LGALSL: variants seen among roughly 807,000 people sequenced by gnomAD.
LGALSL encodes the protein galectin like, also known as galectin-related protein.
A neutral mutation model predicts 19.5 loss-of-function variants in LGALSL; 13 were observed. That is an observed-to-expected ratio of 0.67 (90% CI 0.43 to 1.06). The LOEUF is 1.06. Ranked by LOEUF, LGALSL falls within the 50% of genes least tolerant of loss-of-function variation. The pLI is 0.00. For missense variants in LGALSL, 189 were observed against 219.3 expected (o/e 0.86, Z 0.87); for synonymous variants, 86 against 78.3 (o/e 1.10, Z -0.52).
chr2:64,456,360 G>T lies in LGALSL; in HGVS notation c.270G>T (p.Val90=), dbSNP rs1223643848. ...PADVAIELKA[V]FTDRQLLRNS... is the part of the protein sequence containing the mutation. ...ATGTGGCAATCGAACTCAAAGCTGT[G>T]TTCACAGATCGGCAGCTACTCAGAA... Residue 90 remains valine, a synonymous_variant, in exon 4 of 5, where the codon GTG becomes GTT. Transcript: ENST00000238875. 1.2e-6 allele frequency: 2 copies of T among 1,612,294 alleles called. No homozygotes were observed. The highest frequency in any genetic ancestry group is 1.7e-6 in the Non-Finnish European group (2 of 1,179,242).
Position 64,459,072 on chromosome 2 carries a change from C to T in LGALSL, c.*644C>T, listed in dbSNP as rs1686779322. 1 of 152,132 alleles carries T rather than the reference C, an allele frequency of 6.6e-6. No individual in the cohort carries two copies. The highest frequency in any genetic ancestry group is 1.5e-5 in the Non-Finnish European group (1 of 68,022). 9.4% of individuals were successfully genotyped at this position (152,132 alleles called of 1,614,324 possible). A position where few individuals can be genotyped will look rare whatever the true frequency, so the allele number is the denominator to read the frequency against. On this transcript the variant is annotated 3_prime_UTR_variant, in exon 5 of 5. Transcript: ENST00000238875. The stretch of plus-strand genomic sequence containing the variant: ...TCCAAGGGGAGAAAATTACATATTA[C>T]AATTATGAAACAGGTGAATTTCTGC...
rs1343322619 is a variant in LGALSL at position 64,459,497 on chromosome 2, C to T, written c.*1069C>T. On this transcript the variant is annotated 3_prime_UTR_variant, in exon 5 of 5. Coordinates refer to ENST00000238875, the MANE Select transcript of LGALSL (RefSeq NM_014181.3). ...TGGAAGTAATTTATATCAACTTAAG[C>T]TGTTAGCTCATTGTATAACTTTTCT... 2.0e-5 allele frequency: 3 copies of T among 152,192 alleles called. No individual in the cohort carries two copies. The highest frequency in any genetic ancestry group is 4.4e-5 in the Non-Finnish European group (3 of 68,044). The allele number at this position is 152,192 out of a possible 1,614,324, so 9.4% of individuals were successfully genotyped here.
intron 4 of LGALSL, among the ~76,000 whole-genome samples, chr2:64,457,864 C>A (rs1686761199): frequency 1.3e-5 from 2 of 152,152 alleles, no homozygotes; most frequent in South Asian, 4.1e-4. Context: ...TGAGTAACCA[C>A]AGCTTCTGAC....
chr2:64,460,669 C>T lies in LGALSL; in HGVS notation c.*2241C>T, dbSNP rs1158178917. ...CTTGGATAAGCCTATTGGGATTAAT[C>T]TAAATGATGTGATGATTTGATTCAG... On this transcript the variant is annotated 3_prime_UTR_variant, in exon 5 of 5. Coordinates refer to ENST00000238875, the MANE Select transcript of LGALSL (RefSeq NM_014181.3). 7 of 152,288 alleles carry T rather than the reference C, an allele frequency of 4.6e-5. No individual in the cohort carries two copies. Among genetic ancestry groups the T allele is most frequent in the East Asian group, 1.9e-4 (1 of 5,188 alleles). 9.4% of individuals were successfully genotyped at this position (152,288 alleles called of 1,614,324 possible). A position where few individuals can be genotyped will look rare whatever the true frequency, so the allele number is the denominator to read the frequency against.
At chr2:64,457,035 T>G (rs1301998317) in intron 4 of LGALSL, among the ~76,000 whole-genome samples, 1 of 152,194 alleles carries the variant, frequency 6.6e-6, no homozygotes, top group African/African-American at 2.4e-5. Flanking sequence ...AATAAAGATT[T>G]GCTCCCCACT....
chr2:64,456,402 G>GGA lies in LGALSL; in HGVS notation c.316_317dup (p.Glu108ValfsTer54). 6.2e-7 allele frequency: 1 copy of GGA among 1,611,202 alleles called. No homozygotes were observed. Among genetic ancestry groups the GGA allele is most frequent in the Non-Finnish European group, 8.5e-7 (1 of 1,178,664 alleles). ...TACTCAGAAATTCTTGTATATCTGG[G>GGA]GAGAGGGGTGAAGAACAGTCAGCAA... On this transcript the variant is annotated frameshift_variant, in exon 4 of 5. Coordinates refer to ENST00000238875, the MANE Select transcript of LGALSL (RefSeq NM_014181.3). LOFTEE classifies it high-confidence loss of function.
intron 1 of LGALSL, 34 bp from the exon 2 acceptor site, chr2:64,455,310 C>T (rs746906999): frequency 1.4e-6 from 2 of 1,467,454 alleles, no homozygotes; most frequent in Admixed American, 3.3e-5. Context: ...AAAAAGAGCC[C>T]ATGGAAAGCC....
rs1316244171 is a variant in LGALSL, at chr2:64,454,876, GGTGA to G, written c.36+299_36+302del. Among the ~76,000 whole-genome samples the G allele has an allele frequency of 2.6e-5, 4 of 151,310 alleles. No homozygotes were observed. The highest frequency in any genetic ancestry group is 7.3e-5 in the African/African-American group (3 of 41,240). ...CAACCGCCAGCCAGGTGTGCGCGTG[GGTGA>G]GTGTGTCCGGGGCGCGCGCCCCGCC... On this transcript the variant is annotated intron_variant, in intron 1 of 4. Coordinates refer to ENST00000238875, the MANE Select transcript of LGALSL (RefSeq NM_014181.3). This position sits in a 1 kb window ranked among gnomAD's most constrained non-coding sequence, Gnocchi z 5.1.
At chr2:64,456,523 C>A (rs1465659835) in intron 4 of LGALSL, 58 bp downstream of exon 4, 2 of 1,379,312 alleles carry the variant, frequency 1.5e-6, no homozygotes, top group East Asian at 2.6e-5. Flanking sequence ...GTTCGACTTA[C>A]CTAGTGTGTG....
In LGALSL at chr2:64,454,399, C is replaced by A. The variant is rs1465964723; in HGVS notation, c.-147C>A. On this transcript the variant is annotated 5_prime_UTR_variant, in exon 1 of 5. Coordinates refer to ENST00000238875, the MANE Select transcript of LGALSL (RefSeq NM_014181.3). This position sits in a 1 kb window ranked among gnomAD's most constrained non-coding sequence, Gnocchi z 5.1. ...CTGCCTGCCAGGTCGGCGCCGGGCC[C>A]CGGGCGCGCGCGCGCGCGCCCCCTC... is the stretch of plus-strand genomic sequence containing the variant. 2 of 385,186 alleles carry A rather than the reference C, an allele frequency of 5.2e-6. No individual in the cohort carries two copies. Among genetic ancestry groups the A allele is most frequent in the African/African-American group, 4.3e-5 (2 of 47,044 alleles). 23.9% of individuals were successfully genotyped at this position (385,186 alleles called of 1,614,324 possible).
At position 64,456,336 on chromosome 2, in the gene LGALSL, T is replaced by C. The variant is rs113901437; in HGVS notation, c.246T>C (p.Asp82=). 31 of 1,612,602 alleles carry C rather than the reference T, an allele frequency of 1.9e-5. No individual in the cohort carries two copies. The highest frequency in any genetic ancestry group is 2.5e-5 in the Non-Finnish European group (29 of 1,179,394). ...GGGACTCAGAAGACCCTCCTGCCGA[T>C]GTGGCAATCGAACTCAAAGCTGTGT... ...TCGDSEDPPA[D]VAIELKAVFT... Residue 82 remains aspartate, a synonymous_variant, in exon 4 of 5, where the codon GAT becomes GAC. Coordinates refer to ENST00000238875, the MANE Select transcript of LGALSL (RefSeq NM_014181.3).
Position 64,455,393 on chromosome 2 carries a change from C to A in LGALSL, c.86C>A (p.Ala29Glu). 6.2e-7 allele frequency: 1 copy of A among 1,613,406 alleles called. No individual in the cohort carries two copies. Among genetic ancestry groups the A allele is most frequent in the Non-Finnish European group, 8.5e-7 (1 of 1,179,312 alleles). ...LNNSLSSPVQ[A>E]DVYFPRLIVP... ...AACTCTTTGAGCTCTCCAGTTCAAGCGGACGTGTACTTCCCACGACTGGTA... is the reference window on the plus strand; with the variant it reads ...AACTCTTTGAGCTCTCCAGTTCAAGAGGACGTGTACTTCCCACGACTGGTA... The change falls in exon 2 of 5, where the codon GCG (alanine) becomes GAG (glutamate). Residue 29 changes from alanine to glutamate, a missense_variant. By Grantham distance (107) the Ala-to-Glu change is moderately radical. This residue lies in a region of LGALSL where 62 missense variants were observed against 49.0 expected (regional missense o/e 1.27). Transcript: ENST00000238875.
Position 64,459,155 on chromosome 2 carries a change from TGTAA to T in LGALSL, c.*730_*733del, listed in dbSNP as rs1333185666. 6.6e-6 allele frequency: 1 copy of T among 152,238 alleles called. No homozygotes were observed. Among genetic ancestry groups the T allele is most frequent in the Non-Finnish European group, 1.5e-5 (1 of 68,038 alleles). 9.4% of individuals were successfully genotyped at this position (152,238 alleles called of 1,614,324 possible). A position where few individuals can be genotyped will look rare whatever the true frequency, so the allele number is the denominator to read the frequency against. ...CTTAGGATCTCTTGATATAAACTGC[TGTAA>T]GTGCTTTTGGGAAACCTTTGCAAAA... On this transcript the variant is annotated 3_prime_UTR_variant, in exon 5 of 5. Transcript: ENST00000238875.
Position 64,460,946 on chromosome 2 carries a change from AT to A in LGALSL, c.*2521del. 1 of 152,320 alleles carries A rather than the reference AT, an allele frequency of 6.6e-6. No homozygotes were observed. The highest frequency in any genetic ancestry group is 6.5e-5 in the Admixed American group (1 of 15,300). 9.4% of individuals were successfully genotyped at this position (152,320 alleles called of 1,614,324 possible). A position where few individuals can be genotyped will look rare whatever the true frequency, so the allele number is the denominator to read the frequency against. Reference sequence around the variant, plus strand: ...AAAGCAGGCTTTAGACAATCTGTCCATTTCTACAGTAAAATTGGAGTGAGTG... The same window carrying A: ...AAAGCAGGCTTTAGACAATCTGTCCATTCTACAGTAAAATTGGAGTGAGTG... On this transcript the variant is annotated 3_prime_UTR_variant, in exon 5 of 5. Coordinates refer to ENST00000238875, the MANE Select transcript of LGALSL (RefSeq NM_014181.3).
At chr2:64,457,665 A>C (rs900999265) in intron 4 of LGALSL, among the ~76,000 whole-genome samples, 2 of 152,198 alleles carry the variant, frequency 1.3e-5, no homozygotes, top group African/African-American at 4.8e-5. Context: ...TTCTGGGGAA[A>C]ATAAGAATCC....
chr2:64,456,733 A>G (rs1330754824), intron 4 of LGALSL, among the ~76,000 whole-genome samples: 1 of 152,228 alleles, frequency 6.6e-6, no homozygotes, highest in African/African-American at 2.4e-5. Flanking sequence ...TAACTTTTCT[A>G]TGTAGTACCC....
Position 64,454,460 on chromosome 2 carries a change from G to T in LGALSL, c.-86G>T. ...GCGCCCGCCGCCAGCTCGGACCCGC[G>T]CCCCCGCCCCCGCCCCGCGCAGGAC... On this transcript the variant is annotated 5_prime_UTR_variant, in exon 1 of 5. Transcript: ENST00000238875. This position sits in a 1 kb window ranked among gnomAD's most constrained non-coding sequence, Gnocchi z 5.1. 1 of 694,248 alleles carries T rather than the reference G, an allele frequency of 1.4e-6. No homozygotes were observed. The highest frequency in any genetic ancestry group is 1.9e-6 in the Non-Finnish European group (1 of 526,476). The allele number at this position is 694,248 out of a possible 1,614,324, so 43.0% of individuals were successfully genotyped here.
Position 64,460,684 on chromosome 2 carries a change from A to G in LGALSL, c.*2256A>G, listed in dbSNP as rs1558567123. The G allele has an allele frequency of 6.6e-6, 1 of 152,240 alleles. No homozygotes were observed. The highest frequency in any genetic ancestry group is 1.5e-5 in the Non-Finnish European group (1 of 68,042). 9.4% of individuals were successfully genotyped at this position (152,240 alleles called of 1,614,324 possible). On this transcript the variant is annotated 3_prime_UTR_variant, in exon 5 of 5. Transcript: ENST00000238875. Reference sequence around the variant, plus strand: ...TGGGATTAATCTAAATGATGTGATGATTTGATTCAGGTATAGCCCAAATTA... The same window carrying G: ...TGGGATTAATCTAAATGATGTGATGGTTTGATTCAGGTATAGCCCAAATTA...
In LGALSL at chr2:64,459,923, T is replaced by G. The variant is rs925223637; in HGVS notation, c.*1495T>G. On this transcript the variant is annotated 3_prime_UTR_variant, in exon 5 of 5. Coordinates refer to ENST00000238875, the MANE Select transcript of LGALSL (RefSeq NM_014181.3). Reference sequence around the variant, plus strand: ...AGTGAGGGAAGACAGGGTTCTGGGGTGGGGGTGTATTTATATATAATTTAG... The same window carrying G: ...AGTGAGGGAAGACAGGGTTCTGGGGGGGGGGTGTATTTATATATAATTTAG... 3.3e-5 allele frequency: 5 copies of G among 151,662 alleles called. No homozygotes were observed. The highest frequency in any genetic ancestry group is 1.2e-4 in the African/African-American group (5 of 41,240). The allele number at this position is 151,662 out of a possible 1,614,324, so 9.4% of individuals were successfully genotyped here. A position where few individuals can be genotyped will look rare whatever the true frequency, so the allele number is the denominator to read the frequency against.
Sources: gnomAD v4.1 joint callset for allele counts (sites outside exome capture counted in the v4.1 genomes callset) on GRCh38, gnomAD v4.1.1 for gene constraint, gnomAD v4.1.1 regional missense constraint, Gnocchi (gnomAD v3.1) non-coding constraint, MANE v1.5 for transcripts, NCBI Gene and HGNC (gene_info 2026-07-23, HGNC 2026-07-21) for gene names.